The following TSPOAP1 variants were observed in gnomAD, a reference collection of about 807,000 sequenced individuals.
The protein encoded by TSPOAP1 is TSPO associated protein 1.
A neutral mutation model predicts 197.0 loss-of-function variants in TSPOAP1; 87 were observed. The ratio of observed to expected loss-of-function variants is 0.44; its 90% CI spans 0.37 to 0.53. The LOEUF is 0.53. TSPOAP1 is among the 20% of genes least tolerant of loss of function. The pLI is 0.00. For synonymous variants in TSPOAP1, 913 were observed against 998.9 expected, an observed-to-expected ratio of 0.91 and a Z score of 1.62; for missense variants, 2,174 against 2,411.3, an observed-to-expected ratio of 0.90 and a Z score of 2.06.
intron 14 of TSPOAP1, among the ~76,000 whole-genome samples, chr17:58,317,353 T>C (rs1295899178): frequency 6.6e-6 from 1 of 152,148 alleles, no homozygotes; most frequent in African/African-American, 2.4e-5. Context: ...GCTGTTCAGC[T>C]CTGGAACTCA....
chr17:58,327,722 C>G lies in TSPOAP1; in HGVS notation c.199G>C (p.Gly67Arg). ...GTTCCCCCCACGGGCCTGGAGCTCC[C>G]GTCTCCTTTGGGCTTGGAACTCTCC... is the stretch of plus-strand genomic sequence containing the variant. ...SEESSKPKGD[G>R]SSRPVGGTDP... The change falls in exon 1 of 32, where the codon GGG (glycine) becomes CGG (arginine). Residue 67 changes from glycine (G) to arginine (R), a missense_variant. By Grantham distance (125) the Gly-to-Arg change is moderately radical. Around this residue, in one of 5 missense-constraint regions of TSPOAP1, gnomAD observed 1,933 missense variants for 2,139.0 expected, o/e 0.90. Coordinates refer to ENST00000343736, the MANE Select transcript of TSPOAP1 (RefSeq NM_004758.4). 6.2e-7 allele frequency: 1 copy of G among 1,614,154 alleles called. No individual in the cohort carries two copies. The highest frequency in any genetic ancestry group is 1.1e-5 in the South Asian group (1 of 91,088).
In TSPOAP1 at chr17:58,308,648, C is replaced by T; in HGVS notation, c.4624G>A (p.Ala1542Thr). The T allele has an allele frequency of 6.2e-7, 1 of 1,610,068 alleles. No homozygotes were observed. The highest frequency in any genetic ancestry group is 8.5e-7 in the Non-Finnish European group (1 of 1,177,734). ...GGGTAGGGCTTGGGGCCTGAATTGG[C>T]CTTCGGAGGCCCCCTGGGCCTTCCT... is the stretch of plus-strand genomic sequence containing the variant. The part of the protein sequence containing the change: ...TVGRPRGPPK[A>T]NSGPKPYPRL... The change falls in exon 22 of 32, where the codon GCC becomes ACC. Residue 1542 changes from alanine (A) to threonine (T), a missense_variant. Around this residue, in one of 5 missense-constraint regions of TSPOAP1, gnomAD observed 1,933 missense variants for 2,139.0 expected, o/e 0.90. Coordinates refer to ENST00000343736, the MANE Select transcript of TSPOAP1 (RefSeq NM_004758.4).
At chr17:58,305,261 C>T (rs1970845019) in intron 29 of TSPOAP1, 90 bp from the exon 30 acceptor site, 1 of 1,484,070 alleles carries the variant, frequency 6.7e-7, no homozygotes, top group Non-Finnish European at 9.4e-7. Context: ...CAGCTGGGGC[C>T]AAAACCACTG....
chr17:58,311,822 G>A, intron 17 of TSPOAP1, 70 bp downstream of exon 17: 1 of 1,486,856 alleles, frequency 6.7e-7, no homozygotes, highest in Non-Finnish European at 8.9e-7. Flanking sequence ...TAAGATCAGG[G>A]TCCCCTTCTT....
intron 7 of TSPOAP1, 85 bp from the exon 8 acceptor site, chr17:58,323,124 G>A (rs1404017958): frequency 1.3e-6 from 2 of 1,512,420 alleles, no homozygotes; most frequent in African/African-American, 2.8e-5. Context: ...CCTCCTCCCA[G>A]GCAAGGCCTT....
intron 19 of TSPOAP1, 22 bp downstream of exon 19, chr17:58,310,814 C>T (rs771372941): frequency 1.3e-5 from 21 of 1,574,530 alleles, no homozygotes; most frequent in Non-Finnish European, 1.7e-5. Flanking sequence ...TGCACCTGCT[C>T]CCCTCTCCCC....
chr17:58,307,566 C>T lies in TSPOAP1; in HGVS notation c.4983+45G>A. The T allele has an allele frequency of 1.9e-6, 3 of 1,599,090 alleles. No homozygotes were observed. In the South Asian group the frequency reaches 3.4e-5, roughly 18 times the overall value. ...GAGGAAAGGAGGGAGGAGGGAAGAC[C>T]CAGCTGGTGTTTGGAATTCTGAGCC... On this transcript the variant is annotated intron_variant, in intron 24 of 31. Coordinates refer to ENST00000343736, the MANE Select transcript of TSPOAP1 (RefSeq NM_004758.4).
At chr17:58,310,776 G>GA in intron 19 of TSPOAP1, 25 bp from the exon 20 acceptor site, 1 of 1,601,968 alleles carries the variant, frequency 6.2e-7, no homozygotes, top group Non-Finnish European at 8.5e-7. Flanking sequence ...ACTGAGGAAG[G>GA]ACCCAAGCCC....
At position 58,301,524 on chromosome 17, in the gene TSPOAP1, A is replaced by G. The variant is rs1380509734; in HGVS notation, c.*956T>C. ...AACAGGGGTTAGAAGAAAACTATGC[A>G]AAAGAACTTGAATCCAATGAGCAAA... is the stretch of plus-strand genomic sequence containing the variant. On this transcript the variant is annotated 3_prime_UTR_variant, in exon 32 of 32. Transcript: ENST00000343736. 1 of 152,712 alleles carries G rather than the reference A, an allele frequency of 6.5e-6. No homozygotes were observed. Among genetic ancestry groups the G allele is most frequent in the African/African-American group, 2.4e-5 (1 of 41,468 alleles). The allele number at this position is 152,712 out of a possible 1,614,324, so 9.5% of individuals were successfully genotyped here. A position where few individuals can be genotyped will look rare whatever the true frequency, so the allele number is the denominator to read the frequency against.
At position 58,320,098 on chromosome 17, in the gene TSPOAP1, C is replaced by T. The variant is rs985287380; in HGVS notation, c.1494+11G>A. 13 of 1,613,946 alleles carry T rather than the reference C, an allele frequency of 8.1e-6. No individual in the cohort carries two copies. Among genetic ancestry groups the T allele is most frequent in the African/African-American group, 1.3e-5 (1 of 74,874 alleles). On this transcript the variant is annotated intron_variant, in intron 12 of 31. Transcript: ENST00000343736. ...TGGAGAGGTGTGGGGAAGTGGAGAA[C>T]GAGGCGCTACCTGCATGGAATCCAA...
Position 58,309,282 on chromosome 17 carries a change from A to G in TSPOAP1, c.3990T>C (p.Phe1330=). The G allele has an allele frequency of 6.2e-7, 1 of 1,613,660 alleles. No individual in the cohort carries two copies. Among genetic ancestry groups the G allele is most frequent in the South Asian group, 1.1e-5 (1 of 91,070 alleles). Residue 1330 remains phenylalanine, a synonymous_variant, in exon 22 of 32, where the codon TTT becomes TTC. Transcript: ENST00000343736. The surrounding 1 kb of genome is among the most constrained non-coding windows in gnomAD (Gnocchi z 5.0). ...CCTCTTCCTCCTCCTCCGGGATGCT[A>G]AAGAGCTTCTTGCTACAGAACTGCT... ...PLQQFCSKKL[F]SIPEEEEEEE...
Position 58,316,421 on chromosome 17 carries a change from C to A in TSPOAP1, c.1988+4G>T, listed in dbSNP as rs745578107. ...CTAGGGGGCAGTGAGGGTGAGGGACCCACCTATAACGTGCTAGGAAGACCT... is the reference window on the plus strand; with the variant it reads ...CTAGGGGGCAGTGAGGGTGAGGGACACACCTATAACGTGCTAGGAAGACCT... On this transcript the variant is annotated splice_donor_region_variant and intron_variant, in intron 15 of 31. Coordinates refer to ENST00000343736, the MANE Select transcript of TSPOAP1 (RefSeq NM_004758.4). The A allele has an allele frequency of 6.2e-7, 1 of 1,607,322 alleles. No homozygotes were observed. Among genetic ancestry groups the A allele is most frequent in the African/African-American group, 1.3e-5 (1 of 74,762 alleles).
chr17:58,311,474 G>C lies in TSPOAP1; in HGVS notation c.3081+97C>G, dbSNP rs1598063207. The C allele has an allele frequency of 4.7e-6, 7 of 1,483,022 alleles. No individual in the cohort carries two copies. The East Asian group carries it at 1.6e-4, about 34-fold the overall frequency. The allele number at this position is 1,483,022 out of a possible 1,614,324, so 91.9% of individuals were successfully genotyped here. A position where few individuals can be genotyped will look rare whatever the true frequency, so the allele number is the denominator to read the frequency against. ...GCCTCATGGTACCCAAATGCCAGGG[G>C]CTGGGCATCTCCGTGCCAAGCCAGA... On this transcript the variant is annotated intron_variant, in intron 18 of 31. Coordinates refer to ENST00000343736, the MANE Select transcript of TSPOAP1 (RefSeq NM_004758.4).
In TSPOAP1 at chr17:58,324,003, G is replaced by A. The variant is rs976810770; in HGVS notation, c.943-458C>T. ...CTGGGCTTGGCCTAGAGCAGCGCAAGTCCAGCCAGACCCTTCTCCTGGCTT... is the reference window on the plus strand; with the variant it reads ...CTGGGCTTGGCCTAGAGCAGCGCAAATCCAGCCAGACCCTTCTCCTGGCTT... On this transcript the variant is annotated intron_variant, in intron 5 of 31. Transcript: ENST00000343736. This position sits in a 1 kb window ranked among gnomAD's most constrained non-coding sequence, Gnocchi z 5.8. 6.6e-6 allele frequency among the ~76,000 whole-genome samples: 1 copy of A among 152,194 alleles called. No individual in the cohort carries two copies. Among genetic ancestry groups the A allele is most frequent in the African/African-American group, 2.4e-5 (1 of 41,442 alleles).
chr17:58,323,526 G>A lies in TSPOAP1; in HGVS notation c.962C>T (p.Ala321Val), dbSNP rs143930252. Reference protein sequence around the residue: ...APGEATPQEDADNLPVILGEP... With the variant: ...APGEATPQEDVDNLPVILGEP... ...CCCTAGAATCACGGGTAGGTTGTCC[G>A]CATCCTCCTGGGGCGTGGCCTGGAA... is the stretch of plus-strand genomic sequence containing the variant. The change falls in exon 6 of 32, where the codon GCG becomes GTG. Residue 321 changes from alanine to valine, a missense_variant. Ala to Val is a moderately conservative substitution (Grantham distance 64). This residue lies in a region of TSPOAP1 where 1,933 missense variants were observed against 2,139.0 expected (regional missense o/e 0.90). Coordinates refer to ENST00000343736, the MANE Select transcript of TSPOAP1 (RefSeq NM_004758.4). 4.4e-5 allele frequency: 71 copies of A among 1,613,922 alleles called. No homozygotes were observed. The African/African-American group carries it at 8.0e-4, about 18-fold the overall frequency.
At chr17:58,315,798 C>T (rs1251762824) in intron 16 of TSPOAP1, among the ~76,000 whole-genome samples, 1 of 152,080 alleles carries the variant, frequency 6.6e-6, no homozygotes, top group Admixed American at 6.6e-5. Context: ...AGCCAGACTC[C>T]CTTCTTTCTC....
At position 58,310,033 on chromosome 17, in the gene TSPOAP1, C is replaced by A; in HGVS notation, c.3825G>T (p.Leu1275=). 2 of 1,613,786 alleles carry A rather than the reference C, an allele frequency of 1.2e-6. No individual in the cohort carries two copies. The highest frequency in any genetic ancestry group is 1.7e-6 in the Non-Finnish European group (2 of 1,180,022). ...TCTGGAAGGAGCAAGTCCTGGAACC[C>A]AGCTCCTCTTCCTCCTCCTCCTCCT... The part of the protein sequence containing the change: ...EEEEEEEEEE[L]GSRTCSFQKQ... Residue 1275 remains leucine (L), a synonymous_variant, in exon 21 of 32, where the codon CTG becomes CTT. Coordinates refer to ENST00000343736, the MANE Select transcript of TSPOAP1 (RefSeq NM_004758.4).
chr17:58,322,259 G>C lies in TSPOAP1; in HGVS notation c.1422+49C>G. The stretch of plus-strand genomic sequence containing the variant: ...TAAATGCTTGTGGAATGAGTGAGTG[G>C]CAAAGCTGGTGTCCAGCAGCCTGCC... On this transcript the variant is annotated intron_variant, in intron 10 of 31. Transcript: ENST00000343736. This position sits in a 1 kb window ranked among gnomAD's most constrained non-coding sequence, Gnocchi z 5.0. 6.4e-7 allele frequency: 1 copy of C among 1,557,798 alleles called. No individual in the cohort carries two copies.
At chr17:58,303,069 C>G (rs1467726502) in intron 31 of TSPOAP1, 1 of 152,382 alleles carries the variant, frequency 6.6e-6, no homozygotes, top group African/African-American at 2.4e-5. Context: ...GGGGGCATCA[C>G]TCAGCCCCCA....
Sources: allele counts gnomAD v4.1 joint callset (sites outside exome capture counted in the v4.1 genomes callset), GRCh38; gene constraint gnomAD v4.1.1; regional missense constraint gnomAD v4.1.1; non-coding constraint Gnocchi (gnomAD v3.1); transcripts MANE v1.5; gene names NCBI Gene and HGNC (gene_info 2026-07-23, HGNC 2026-07-21).